CBFA2T3: variants seen among roughly 807,000 people sequenced by gnomAD.
CBFA2T3 encodes transcriptional corepressor CBFA2T3.
A neutral mutation model predicts 58.6 loss-of-function variants in CBFA2T3; 31 were observed. That is an observed-to-expected ratio of 0.53 (90% CI 0.40 to 0.71). The LOEUF (loss-of-function observed/expected upper bound fraction) is 0.71, where lower values mean the gene tolerates loss of function less well. CBFA2T3 is among the 30% of genes least tolerant of loss of function. CBFA2T3 has a pLI of 0.00. For synonymous variants in CBFA2T3, 531 were observed against 421.9 expected (o/e 1.26, Z -3.17); for missense variants, 1,076 against 963.1 (o/e 1.12, Z -1.55).
chr16:88,963,976 C>T (rs1416239736), intron 1 of CBFA2T3, among the ~76,000 whole-genome samples: 1 of 152,228 alleles, frequency 6.6e-6, no homozygotes, highest in Non-Finnish European at 1.5e-5. Flanking sequence ...AAGAGAAGAG[C>T]TCTGTCTGCA....
chr16:88,898,033 G>T (rs900925442), intron 3 of CBFA2T3, 45 bp downstream of exon 3: 2 of 1,415,882 alleles, frequency 1.4e-6, no homozygotes, highest in Admixed American at 3.3e-5. Flanking sequence ...GGATGCTGCG[G>T]TGAAGACCTC....
chr16:88,940,993 G>A (rs1971704299), intron 1 of CBFA2T3: 1 of 966,784 alleles, frequency 1.0e-6, no homozygotes, highest in Non-Finnish European at 1.2e-6. Flanking sequence ...GAGCGGCGGC[G>A]GCGCGCGGGG....
At position 88,953,832 on chromosome 16, in the gene CBFA2T3, G is replaced by A. The variant is rs1273958764; in HGVS notation, c.151+22825C>T. On this transcript the variant is annotated intron_variant, in intron 1 of 11. Transcript: ENST00000268679. This position sits in a 1 kb window ranked among gnomAD's most constrained non-coding sequence, Gnocchi z 4.9. ...TCTCTGGGTTTCCCTTAAGGGGGATGGCTCCCCTTAAGATGACTTTGGGGC... is the reference window on the plus strand; with the variant it reads ...TCTCTGGGTTTCCCTTAAGGGGGATAGCTCCCCTTAAGATGACTTTGGGGC... Among the ~76,000 whole-genome samples, 1 of 152,154 alleles carries A rather than the reference G, an allele frequency of 6.6e-6. No homozygotes were observed. The highest frequency in any genetic ancestry group is 1.5e-5 in the Non-Finnish European group (1 of 68,004).
rs182100894 is a variant in CBFA2T3 at position 88,911,174 on chromosome 16, C to T, written c.152-9518G>A. On this transcript the variant is annotated intron_variant, in intron 1 of 11. Coordinates refer to ENST00000268679, the MANE Select transcript of CBFA2T3 (RefSeq NM_005187.6). ...CCCAGGGCGGACCCTTCCTCTGGCC[C>T]CACTCACTCACTCCTGCTGCCCTTC... is the stretch of plus-strand genomic sequence containing the variant. Among the ~76,000 whole-genome samples, 482 of 152,392 alleles carry T rather than the reference C, an allele frequency of 3.2e-3. 3 individuals carry two copies. Among genetic ancestry groups the T allele is most frequent in the Middle Eastern group, 0.024 (7 of 294 alleles).
At position 88,925,260 on chromosome 16, in the gene CBFA2T3, G is replaced by T. The variant is rs560059482; in HGVS notation, c.152-23604C>A. ...AGGCAGATGGGCCGGGCTTGGGCAC[G>T]GTGCAGCCGCAGCCGTGGTGGCAGC... On this transcript the variant is annotated intron_variant, in intron 1 of 11. Coordinates refer to ENST00000268679, the MANE Select transcript of CBFA2T3 (RefSeq NM_005187.6). Among the ~76,000 whole-genome samples the T allele has an allele frequency of 2.8e-4, 42 of 152,272 alleles. No homozygotes were observed. In the Middle Eastern group the frequency reaches 0.01, roughly 37 times the overall value.
At chr16:88,948,584 G>A (rs1016038877) in intron 1 of CBFA2T3, among the ~76,000 whole-genome samples, 6 of 152,252 alleles carry the variant, frequency 3.9e-5, no homozygotes, top group African/African-American at 1.4e-4. Context: ...AGGCTTCCCT[G>A]CCTCAGGAGT....
intron 1 of CBFA2T3, among the ~76,000 whole-genome samples, chr16:88,916,497 G>A (rs978311409): frequency 6.6e-6 from 1 of 152,130 alleles, no homozygotes; most frequent in African/African-American, 2.4e-5. Flanking sequence ...TGTATTCGTG[G>A]GGTGGGTGTT....
chr16:88,962,150 T>C (rs1246036362), intron 1 of CBFA2T3, among the ~76,000 whole-genome samples: 1,037 of 84,590 alleles, frequency 0.012, no homozygotes, highest in East Asian at 0.025. Context: ...GGCATTCCCA[T>C]TCCATAGTAA....
At chr16:88,880,343 C>T (rs1037263418) in intron 10 of CBFA2T3, among the ~76,000 whole-genome samples, 1 of 152,218 alleles carries the variant, frequency 6.6e-6, no homozygotes, top group African/African-American at 2.4e-5. Flanking sequence ...TCCCCACAGC[C>T]TTGCCCAGCG....
intron 1 of CBFA2T3, among the ~76,000 whole-genome samples, chr16:88,916,551 G>A (rs1970742272): frequency 6.6e-6 from 1 of 151,832 alleles, no homozygotes; most frequent in Non-Finnish European, 1.5e-5. Flanking sequence ...CCTCAGGGAT[G>A]GCTGCAGAAC....
chr16:88,965,088 TATCCATCCATCC>T (rs1192246574), intron 1 of CBFA2T3, among the ~76,000 whole-genome samples: 15 of 133,104 alleles, frequency 1.1e-4, no homozygotes, highest in Admixed American at 3.1e-4. Flanking sequence ...CCCACCCATC[TATCCATCCATCC>T]ATCCATCCAT....
chr16:88,884,671 C>A (rs965517559), intron 7 of CBFA2T3: 3 of 200,608 alleles, frequency 1.5e-5, no homozygotes, highest in African/African-American at 4.6e-5. Context: ...ATTAACTCCC[C>A]CAGGCCTTGG....
rs544016587 is a variant in CBFA2T3 at position 88,888,972 on chromosome 16, G to A, written c.712-2830C>T. ...GGGGGACACCAGGGCCTGACCAGAC[G>A]TCATGGACAGGGGCCGTAGGCCTGG... On this transcript the variant is annotated intron_variant, in intron 5 of 11. Transcript: ENST00000268679. 4.7e-3 allele frequency among the ~76,000 whole-genome samples: 711 copies of A among 151,966 alleles called. 3 individuals carry two copies. The highest frequency in any genetic ancestry group is 0.016 in the African/African-American group (648 of 41,452).
chr16:88,927,568 C>T (rs74774132), intron 1 of CBFA2T3, among the ~76,000 whole-genome samples: 16,203 of 152,236 alleles, frequency 0.11, 1,063 homozygotes, highest in Middle Eastern at 0.2. Flanking sequence ...ATGGGGGCCA[C>T]GCCACCCAGG....
At chr16:88,916,139 T>C (rs1008214054) in intron 1 of CBFA2T3, among the ~76,000 whole-genome samples, 19 of 149,906 alleles carry the variant, frequency 1.3e-4, no homozygotes, top group South Asian at 2.1e-4. Flanking sequence ...CACGTGTACA[T>C]GTGGGTGTGT....
Position 88,967,195 on chromosome 16 carries a change from ACACGAGGCAGCGC to A in CBFA2T3, c.151+9449_151+9461del, listed in dbSNP as rs1302938085. Among the ~76,000 whole-genome samples the A allele has an allele frequency of 5.1e-3, 533 of 103,866 alleles. 5 individuals carry two copies. Among genetic ancestry groups the A allele is most frequent in the African/African-American group, 0.019 (513 of 27,082 alleles). 68.1% of individuals were successfully genotyped at this position (103,866 alleles called of 152,430 possible). ...GCCCCCGAGGTGCCACTCGGCCCCG[ACACGAGGCAGCGC>A]CATGCCACCCCCCCAGCCCCCGAGG... On this transcript the variant is annotated intron_variant, in intron 1 of 11. Coordinates refer to ENST00000268679, the MANE Select transcript of CBFA2T3 (RefSeq NM_005187.6).
intron 1 of CBFA2T3, among the ~76,000 whole-genome samples, chr16:88,949,325 G>A (rs1251016429): frequency 2.6e-5 from 4 of 152,182 alleles, no homozygotes; most frequent in African/African-American, 7.2e-5. Flanking sequence ...TCGGGAGGCC[G>A]AGGAGGGCAG....
chr16:88,934,493 C>T (rs1351155401), intron 1 of CBFA2T3, among the ~76,000 whole-genome samples: 4 of 152,224 alleles, frequency 2.6e-5, no homozygotes, highest in African/African-American at 9.6e-5. Context: ...CACACCTGGC[C>T]GGCACGGCCG....
chr16:88,916,227 G>GTT (rs1970718695), intron 1 of CBFA2T3, among the ~76,000 whole-genome samples: 2 of 115,146 alleles, frequency 1.7e-5, no homozygotes, highest in African/African-American at 7.8e-5. Flanking sequence ...TATACATGTG[G>GTT]GTGTGTGTAT....
Sources: allele counts gnomAD v4.1 joint callset (sites outside exome capture counted in the v4.1 genomes callset), GRCh38; gene constraint gnomAD v4.1.1; non-coding constraint Gnocchi (gnomAD v3.1); transcripts MANE v1.5; gene names NCBI Gene and HGNC (gene_info 2026-07-23, HGNC 2026-07-21).